The following TMEM181 variants were observed in gnomAD, a reference collection of about 807,000 sequenced individuals.
TMEM181 encodes G protein-coupled receptor 178.
TMEM181 carries 39 observed loss-of-function variants against 71.9 expected under a neutral mutation model. The observed-to-expected ratio is 0.54, with a 90% CI of 0.42 to 0.71. The LOEUF is 0.71. Among genes scored for constraint, TMEM181 ranks in the 30% least tolerant of loss-of-function variants. The pLI is 0.00. For missense variants in TMEM181, 595 were observed against 583.0 expected, an observed-to-expected ratio of 1.02 and a Z score of -0.21; for synonymous variants, 245 against 228.8, an observed-to-expected ratio of 1.07 and a Z score of -0.64.
At chr6:158,537,323 C>A (rs1244505231) in intron 1 of TMEM181, among the ~76,000 whole-genome samples, 2 of 152,022 alleles carry the variant, frequency 1.3e-5, no homozygotes, top group Non-Finnish European at 2.9e-5. Flanking sequence ...CAGCTCTGAG[C>A]GCCCTAGGCT....
intron 6 of TMEM181, among the ~76,000 whole-genome samples, chr6:158,590,711 C>T (rs1273491750): frequency 2.0e-5 from 3 of 151,896 alleles, no homozygotes; most frequent in African/African-American, 4.8e-5. Flanking sequence ...ATCCGCCCAC[C>T]TTGGCCTCCC....
intron 1 of TMEM181, among the ~76,000 whole-genome samples, chr6:158,542,532 CCTAGG>C (rs774775697): frequency 3.9e-5 from 6 of 152,194 alleles, no homozygotes; most frequent in Non-Finnish European, 8.8e-5. Context: ...CTGGTGTTTA[CCTAGG>C]CTTAATTATT....
At chr6:158,612,633 T>C (rs1424175046) in intron 10 of TMEM181, among the ~76,000 whole-genome samples, 1 of 152,162 alleles carries the variant, frequency 6.6e-6, no homozygotes, top group Admixed American at 6.5e-5. Flanking sequence ...TAGCCCTTTG[T>C]TTGAGATTTT....
rs368320310 is a variant in TMEM181 at position 158,631,308 on chromosome 6, C to T, written c.1283-15C>T. On this transcript the variant is annotated splice_polypyrimidine_tract_variant and intron_variant, in intron 15 of 16. Transcript: ENST00000684151. ...GTCAATTGCTTGAGATGCAAATGCT[C>T]TTGTTGGTTTTCAGAGTCCCAGCTG... 7.5e-5 allele frequency: 121 copies of T among 1,613,968 alleles called. No homozygotes were observed. Among genetic ancestry groups the T allele is most frequent in the Non-Finnish European group, 9.3e-5 (110 of 1,179,950 alleles).
chr6:158,561,392 C>T (rs1782162870), intron 1 of TMEM181, among the ~76,000 whole-genome samples: 1 of 152,208 alleles, frequency 6.6e-6, no homozygotes, highest in Non-Finnish European at 1.5e-5. Context: ...GCAGTATTGC[C>T]TCTGCACAAC....
chr6:158,553,980 C>T (rs1372581524), intron 1 of TMEM181, among the ~76,000 whole-genome samples: 6 of 152,054 alleles, frequency 3.9e-5, no homozygotes, highest in African/African-American at 1.2e-4. Flanking sequence ...CATCTCAGCT[C>T]GCCAGAACCC....
intron 14 of TMEM181, 40 bp downstream of exon 14, chr6:158,628,530 G>A: frequency 6.4e-7 from 1 of 1,570,860 alleles, no homozygotes; most frequent in Non-Finnish European, 8.7e-7. Context: ...CAGGACGCCT[G>A]CTTAGCATTG....
chr6:158,572,895 G>A (rs1782946589), intron 1 of TMEM181, among the ~76,000 whole-genome samples: 2 of 140,360 alleles, frequency 1.4e-5, no homozygotes, highest in South Asian at 2.3e-4. Flanking sequence ...TTGTGGGCTT[G>A]TGGGTTGTGA....
chr6:158,615,792 T>G (rs1251012254), intron 10 of TMEM181, among the ~76,000 whole-genome samples: 1 of 152,214 alleles, frequency 6.6e-6, no homozygotes, highest in Non-Finnish European at 1.5e-5. Flanking sequence ...ATCAGATGGT[T>G]GTAGATGTGT....
rs1373388930 is a variant in TMEM181, at chr6:158,634,420, T to C, written c.*2532T>C. The C allele has an allele frequency of 1.3e-5, 2 of 152,202 alleles. No homozygotes were observed. The highest frequency in any genetic ancestry group is 4.8e-5 in the African/African-American group (2 of 41,444). The allele number at this position is 152,202 out of a possible 1,614,324, so 9.4% of individuals were successfully genotyped here. A position where few individuals can be genotyped will look rare whatever the true frequency, so the allele number is the denominator to read the frequency against. ...ACTGAGGGTAGTTATGTTAAAGTTT[T>C]GCGAACTTAAAGGGCTGACTTTAGT... On this transcript the variant is annotated 3_prime_UTR_variant, in exon 17 of 17. Transcript: ENST00000684151.
At chr6:158,538,879 C>T (rs1311065413) in intron 1 of TMEM181, among the ~76,000 whole-genome samples, 2 of 152,114 alleles carry the variant, frequency 1.3e-5, no homozygotes, top group South Asian at 2.1e-4. Flanking sequence ...GTCCCTGAGG[C>T]CATAAAAACA....
At chr6:158,605,130 A>AGGGTGTG (rs1562302773) in intron 6 of TMEM181, 137 bp from the exon 7 acceptor site, 2 of 210,866 alleles carry the variant, frequency 9.5e-6, no homozygotes, top group Non-Finnish European at 8.0e-6. Flanking sequence ...AAAAAAAAAA[A>AGGGTGTG]AGTGTGTGTG....
chr6:158,584,131 C>G, intron 4 of TMEM181, 87 bp downstream of exon 4: 1 of 1,149,234 alleles, frequency 8.7e-7, no homozygotes, highest in Non-Finnish European at 1.2e-6. Flanking sequence ...TTCAGACAAG[C>G]AAGTGCTCAA....
At position 158,605,225 on chromosome 6, in the gene TMEM181, T is replaced by TA. The variant is rs762186839; in HGVS notation, c.493-41dup. On this transcript the variant is annotated intron_variant, in intron 6 of 16. Transcript: ENST00000684151. ...TCTGGTGTATTTTCTCTTAGATGCA[T>TA]ATATATTTTTTTCAAATTGTTTTCT... 9.8e-5 allele frequency: 146 copies of TA among 1,485,598 alleles called. 1 individual carries two copies. In the African/African-American group the frequency reaches 1.8e-3, roughly 18 times the overall value. 92.0% of individuals were successfully genotyped at this position (1,485,598 alleles called of 1,614,324 possible). A position where few individuals can be genotyped will look rare whatever the true frequency, so the allele number is the denominator to read the frequency against.
chr6:158,620,741 TAACTC>T lies in TMEM181; in HGVS notation c.897-2807_897-2803del. ...CCAGAGACTCTCAGGATCCAGGAGT[TAACTC>T]AGGACAAGCTGCCGCTGCCCACTGC... On this transcript the variant is annotated intron_variant, in intron 10 of 16. Transcript: ENST00000684151. This position sits in a 1 kb window ranked among gnomAD's most constrained non-coding sequence, Gnocchi z 4.5. Among the ~76,000 whole-genome samples the T allele has an allele frequency of 6.6e-6, 1 of 152,288 alleles. No homozygotes were observed. The highest frequency in any genetic ancestry group is 2.1e-4 in the South Asian group (1 of 4,820).
intron 10 of TMEM181, among the ~76,000 whole-genome samples, chr6:158,609,539 C>T (rs1785166644): frequency 6.6e-6 from 1 of 152,232 alleles, no homozygotes; most frequent in African/African-American, 2.4e-5. Context: ...GAAACTGAAG[C>T]CTCATGACCC....
rs1239770749 is a variant in TMEM181 at position 158,560,211 on chromosome 6, C to T, written c.-14C>T. 1.2e-5 allele frequency: 12 copies of T among 984,986 alleles called. No homozygotes were observed. The highest frequency in any genetic ancestry group is 5.2e-4 in the Middle Eastern group (1 of 1,912). 61.0% of individuals were successfully genotyped at this position (984,986 alleles called of 1,614,324 possible). A position where few individuals can be genotyped will look rare whatever the true frequency, so the allele number is the denominator to read the frequency against. On this transcript the variant is annotated 5_prime_UTR_variant, in exon 1 of 17. Transcript: ENST00000684151. Reference sequence around the variant, plus strand: ...GGGACGCGCGGGCCGGGGCCGAGGGCTCTGGGCGCCGAGATGGAGCCGTGA... The same window carrying T: ...GGGACGCGCGGGCCGGGGCCGAGGGTTCTGGGCGCCGAGATGGAGCCGTGA...
chr6:158,557,708 G>A (rs1266760790), upstream of TMEM181, among the ~76,000 whole-genome samples: 3 of 152,110 alleles, frequency 2.0e-5, no homozygotes, highest in Non-Finnish European at 4.4e-5. Flanking sequence ...AGTAGAGATG[G>A]ATTTCGCCAT....
At chr6:158,628,757 G>A (rs952034476) in intron 14 of TMEM181, among the ~76,000 whole-genome samples, 2 of 152,250 alleles carry the variant, frequency 1.3e-5, no homozygotes, top group Non-Finnish European at 2.9e-5. Context: ...TCCAAACCCA[G>A]AGAGGCTGGC....
Sources: allele counts gnomAD v4.1 joint callset (sites outside exome capture counted in the v4.1 genomes callset), GRCh38; gene constraint gnomAD v4.1.1; non-coding constraint Gnocchi (gnomAD v3.1); transcripts MANE v1.5; gene names NCBI Gene and HGNC (gene_info 2026-07-23, HGNC 2026-07-21).